Variants in KALRN observed in about 807,000 individuals in gnomAD.
KALRN encodes the protein kalirin RhoGEF kinase.
Under a neutral mutation model 353.7 loss-of-function variants are expected in KALRN, and 70 were observed. That is an observed-to-expected ratio of 0.20 (90% CI 0.16 to 0.24). KALRN has a LOEUF of 0.24. Among genes scored for constraint, KALRN ranks in the 10% least tolerant of loss-of-function variants. KALRN has a pLI of 1.00. For synonymous variants in KALRN, 1,391 were observed against 1,434.8 expected (o/e 0.97, Z 0.69); for missense variants, 2,791 against 3,756.7 (o/e 0.74, Z 6.72).
rs2092322828 is a variant in KALRN, at chr3:124,413,653, G to T, written c.2530G>T (p.Val844Phe). 1 of 1,613,568 alleles carries T rather than the reference G, an allele frequency of 6.2e-7. No homozygotes were observed. Among genetic ancestry groups the T allele is most frequent in the Non-Finnish European group, 8.5e-7 (1 of 1,179,794 alleles). ...GGATCTGCACCAGTACATCACGGAG[G>T]TCCAGGCATCAGGTGGGTGACCTCG... ...GQDLHQYITE[V>F]QASGIELICE... The change falls in exon 14 of 60, where the codon GTC becomes TTC. Residue 844 changes from valine to phenylalanine, a missense_variant. Val to Phe is a conservative substitution (Grantham distance 50). This residue lies in a region of KALRN where 452 missense variants were observed against 575.8 expected (regional missense o/e 0.78). Transcript: ENST00000682506.
intron 3 of KALRN, among the ~76,000 whole-genome samples, chr3:124,259,002 A>G (rs1253738535): frequency 6.6e-6 from 1 of 152,242 alleles, no homozygotes; most frequent in Non-Finnish European, 1.5e-5. Flanking sequence ...ACTGTGTTTA[A>G]TATGACAGGG....
chr3:124,130,791 A>G (rs1211177624), intron 1 of KALRN, among the ~76,000 whole-genome samples: 1 of 152,234 alleles, frequency 6.6e-6, no homozygotes, highest in African/African-American at 2.4e-5. Flanking sequence ...ACAGAATGTT[A>G]TACAGAAAAG....
chr3:124,268,620 C>A, intron 4 of KALRN, 123 bp from the exon 5 acceptor site: 2 of 1,040,734 alleles, frequency 1.9e-6, no homozygotes, highest in Non-Finnish European at 2.9e-6. Context: ...CTCCACTCAC[C>A]ATTTCCGAGG....
intron 27 of KALRN, among the ~76,000 whole-genome samples, chr3:124,479,440 A>G (rs2061741779): frequency 6.6e-6 from 1 of 152,222 alleles, no homozygotes; most frequent in Non-Finnish European, 1.5e-5. Flanking sequence ...TCATTCCATC[A>G]GAAGAGTTTC....
At chr3:124,580,731 C>A (rs2074544937) in intron 34 of KALRN, among the ~76,000 whole-genome samples, 1 of 152,100 alleles carries the variant, frequency 6.6e-6, no homozygotes, top group African/African-American at 2.4e-5. Flanking sequence ...TAGAACAGAG[C>A]CTGACACAGA....
At chr3:124,559,532 G>A (rs1160284855) in intron 33 of KALRN, among the ~76,000 whole-genome samples, 1 of 152,226 alleles carries the variant, frequency 6.6e-6, no homozygotes, top group African/African-American at 2.4e-5. Context: ...GGAGCATACA[G>A]TGAGGGGAGT....
At chr3:124,181,944 C>T (rs1474737735) in intron 1 of KALRN, among the ~76,000 whole-genome samples, 1 of 152,112 alleles carries the variant, frequency 6.6e-6, no homozygotes, top group African/African-American at 2.4e-5. Context: ...ATCTTGTTAC[C>T]AACCTGAGTT....
chr3:124,305,455 C>T (rs1473773674), intron 6 of KALRN, among the ~76,000 whole-genome samples: 5 of 152,142 alleles, frequency 3.3e-5, no homozygotes, highest in Non-Finnish European at 4.4e-5. Context: ...ACCACTTATG[C>T]CCCAGTACAT....
chr3:124,486,244 T>A (rs1276772876), intron 28 of KALRN, among the ~76,000 whole-genome samples: 9 of 152,048 alleles, frequency 5.9e-5, no homozygotes, highest in Non-Finnish European at 1.3e-4. Flanking sequence ...TGCTAAATTG[T>A]TTTGGGCAGG....
chr3:124,629,387 CA>C (rs369383140), intron 34 of KALRN, among the ~76,000 whole-genome samples: 1 of 151,778 alleles, frequency 6.6e-6, no homozygotes, highest in Non-Finnish European at 1.5e-5. Context: ...ACAACAACAA[CA>C]AAAAAAACTC....
At chr3:124,556,552 T>C (rs2071276920) in intron 33 of KALRN, among the ~76,000 whole-genome samples, 1 of 152,206 alleles carries the variant, frequency 6.6e-6, no homozygotes, top group South Asian at 2.1e-4. Context: ...TACTAAAGCA[T>C]CATCAGCAAT....
At chr3:124,365,557 A>T (rs2084579369) in intron 10 of KALRN, among the ~76,000 whole-genome samples, 1 of 152,228 alleles carries the variant, frequency 6.6e-6, no homozygotes, top group Admixed American at 6.5e-5. Context: ...TTCTAAAGCC[A>T]TGCTGATAGC....
chr3:124,089,069 C>G (rs1455799778), intron 1 of KALRN, among the ~76,000 whole-genome samples: 3 of 150,978 alleles, frequency 2.0e-5, no homozygotes, highest in African/African-American at 7.3e-5. Context: ...GGGACTAAAG[C>G]AAAAAAGGGA....
intron 33 of KALRN, among the ~76,000 whole-genome samples, chr3:124,533,585 C>T (rs1406528157): frequency 6.6e-6 from 1 of 152,134 alleles, no homozygotes; most frequent in African/African-American, 2.4e-5. Context: ...GTTGAGGCTG[C>T]AGTGAGCCAA....
chr3:124,357,063 A>T (rs553882490), intron 10 of KALRN, among the ~76,000 whole-genome samples: 1 of 152,282 alleles, frequency 6.6e-6, no homozygotes, highest in East Asian at 1.9e-4. Context: ...TGCATTCGTT[A>T]TACCAGTGAA....
At chr3:124,154,749 G>A (rs1578710934) in intron 1 of KALRN, among the ~76,000 whole-genome samples, 2 of 152,056 alleles carry the variant, frequency 1.3e-5, no homozygotes, top group Non-Finnish European at 2.9e-5. Context: ...TCACAGAATT[G>A]GAAAAAACTA....
intron 1 of KALRN, among the ~76,000 whole-genome samples, chr3:124,184,692 C>T (rs777190158): frequency 3.9e-5 from 6 of 152,072 alleles, no homozygotes; most frequent in South Asian, 2.1e-4. Context: ...GTTTATATTC[C>T]GGTTCTTTTA....
intron 4 of KALRN, 81 bp downstream of exon 4, chr3:124,264,771 T>C: frequency 8.0e-7 from 1 of 1,242,368 alleles, no homozygotes. Context: ...CTCTTCTCTA[T>C]CTACCATACA....
intron 34 of KALRN, among the ~76,000 whole-genome samples, chr3:124,630,536 G>T (rs1425770134): frequency 6.6e-6 from 1 of 152,078 alleles, no homozygotes; most frequent in Non-Finnish European, 1.5e-5. Flanking sequence ...AGCTGGGATT[G>T]CAGGCATGAG....
Sources: allele counts gnomAD v4.1 joint callset (sites outside exome capture counted in the v4.1 genomes callset), GRCh38; gene constraint gnomAD v4.1.1; regional missense constraint gnomAD v4.1.1; transcripts MANE v1.5; gene names NCBI Gene and HGNC (gene_info 2026-07-23, HGNC 2026-07-21).